The following CHD7 variants were observed in gnomAD, a reference collection of about 807,000 sequenced individuals.
CHD7 encodes the protein chromodomain helicase DNA binding protein 7.
In CHD7, 24 loss-of-function variants were observed where a neutral mutation model predicts 307.3. The ratio of observed to expected loss-of-function variants is 0.08; its 90% CI spans 0.06 to 0.11. The LOEUF is 0.11. Among genes scored for constraint, CHD7 ranks in the 10% least tolerant of loss-of-function variants. CHD7 has a pLI of 1.00. For synonymous variants in CHD7, 1,363 were observed against 1,349.9 expected (o/e 1.01, Z -0.21); for missense variants, 3,106 against 3,727.1 (o/e 0.83, Z 4.34).
chr8:60,776,762 A>T (rs1474312101), intron 2 of CHD7, among the ~76,000 whole-genome samples: 1 of 152,204 alleles, frequency 6.6e-6, no homozygotes, highest in African/African-American at 2.4e-5. Flanking sequence ...GAATCATTGC[A>T]CACTCTTCTG....
At position 60,792,524 on chromosome 8, in the gene CHD7, T is replaced by C. The variant is rs189352619; in HGVS notation, c.2097-2462T>C. 5.7e-3 allele frequency among the ~76,000 whole-genome samples: 867 copies of C among 152,316 alleles called. 11 individuals are homozygous for C. Among genetic ancestry groups the C allele is most frequent in the Admixed American group, 0.012 (179 of 15,294 alleles). The stretch of plus-strand genomic sequence containing the variant: ...TTAGAAATCTTTCCATACTCAGATC[T>C]GGGATAAGTGCTTCCCTTATCTACA... On this transcript the variant is annotated intron_variant, in intron 3 of 37. Transcript: ENST00000423902.
Position 60,867,925 on chromosome 8 carries a change from TAGG to T in CHD7, c.*1993_*1995del, listed in dbSNP as rs1806288122. 6.6e-6 allele frequency: 1 copy of T among 152,202 alleles called. No individual in the cohort carries two copies. The highest frequency in any genetic ancestry group is 2.4e-5 in the African/African-American group (1 of 41,450). The allele number at this position is 152,202 out of a possible 1,614,324, so 9.4% of individuals were successfully genotyped here. ...TTATTTGAACACGGGAAAGTGAAAC[TAGG>T]TCTGCATGAAGTATAGGAAATTTAA... is the stretch of plus-strand genomic sequence containing the variant. On this transcript the variant is annotated 3_prime_UTR_variant, in exon 38 of 38. Coordinates refer to ENST00000423902, the MANE Select transcript of CHD7 (RefSeq NM_017780.4).
intron 3 of CHD7, among the ~76,000 whole-genome samples, chr8:60,789,184 C>G (rs1262505513): frequency 6.6e-6 from 1 of 152,166 alleles, no homozygotes; most frequent in East Asian, 1.9e-4. Flanking sequence ...TGTGGCAGCT[C>G]AGATCATTTT....
At chr8:60,730,596 C>T (rs1173700784) in intron 1 of CHD7, among the ~76,000 whole-genome samples, 2 of 152,208 alleles carry the variant, frequency 1.3e-5, no homozygotes, top group Admixed American at 1.3e-4. Flanking sequence ...CGTGGTGGCT[C>T]ACGCCTGTAA....
chr8:60,781,150 A>G lies in CHD7; in HGVS notation c.1816A>G (p.Ile606Val). 2 of 1,609,078 alleles carry G rather than the reference A, an allele frequency of 1.2e-6. No individual in the cohort carries two copies. The highest frequency in any genetic ancestry group is 1.7e-6 in the Non-Finnish European group (2 of 1,177,626). The part of the protein sequence containing the change: ...QKKKKKKNNH[I>V]VAEDPSKGFG... Reference sequence around the variant, plus strand: ...GAAGAAGAAAAAGAAAAACAACCACATTGTAGCAGAGGATCCCAGTAAAGG... The same window carrying G: ...GAAGAAGAAAAAGAAAAACAACCACGTTGTAGCAGAGGATCCCAGTAAAGG... Residue 606 changes from isoleucine (I) to valine (V), a missense_variant, in exon 3 of 38, where the codon ATT becomes GTT. Ile to Val is a conservative substitution (Grantham distance 29). Around this residue, in one of 10 missense-constraint regions of CHD7, gnomAD observed 998 missense variants for 1,004.5 expected, o/e 0.99. Transcript: ENST00000423902.
chr8:60,754,879 T>C (rs141816367), intron 2 of CHD7, among the ~76,000 whole-genome samples: 4 of 152,328 alleles, frequency 2.6e-5, no homozygotes, highest in African/African-American at 7.2e-5. Flanking sequence ...TAGTTCTACA[T>C]AGAGAAAGTT....
chr8:60,822,379 C>A, intron 11 of CHD7, 124 bp from the exon 12 acceptor site: 3 of 947,728 alleles, frequency 3.2e-6, no homozygotes, highest in Non-Finnish European at 4.5e-6. Context: ...TTTGTTGAAT[C>A]TAAGAGAACA....
chr8:60,859,626 A>G (rs114797818), intron 34 of CHD7, among the ~76,000 whole-genome samples: 1,556 of 152,310 alleles, frequency 0.01, 29 homozygotes, highest in African/African-American at 0.036. Flanking sequence ...GGATGGCTGT[A>G]CTTCAATTAA....
chr8:60,819,314 ATTACT>A (rs899428871), intron 8 of CHD7, among the ~76,000 whole-genome samples: 1 of 152,152 alleles, frequency 6.6e-6, no homozygotes, highest in Non-Finnish European at 1.5e-5. Flanking sequence ...AGGCAGCAGT[ATTACT>A]TTACTTTTGT....
chr8:60,849,075 A>G lies in CHD7; in HGVS notation c.5325A>G (p.Glu1775=), dbSNP rs1463212168. The G allele has an allele frequency of 1.2e-6, 2 of 1,613,394 alleles. No homozygotes were observed. Among genetic ancestry groups the G allele is most frequent in the Non-Finnish European group, 8.5e-7 (1 of 1,179,572 alleles). The part of the protein sequence containing the change: ...DSSEADVWIP[E]PFHAEVPADW... ...GTGAAGCCGATGTGTGGATCCCTGAACCTTTCCATGCTGAAGTTCCTGCAG... is the reference window on the plus strand; with the variant it reads ...GTGAAGCCGATGTGTGGATCCCTGAGCCTTTCCATGCTGAAGTTCCTGCAG... The change falls in exon 25 of 38, where the codon GAA becomes GAG. Residue 1775 remains glutamate (E), a synonymous_variant. Transcript: ENST00000423902.
At position 60,841,670 on chromosome 8, in the gene CHD7, G is replaced by T. The variant is rs1435091278; in HGVS notation, c.4560G>T (p.Arg1520Ser). Residue 1520 changes from arginine (R) to serine (S), a missense_variant, in exon 20 of 38, where the codon AGG becomes AGT. Around this residue, in one of 10 missense-constraint regions of CHD7, gnomAD observed 93 missense variants for 176.4 expected, o/e 0.53. Coordinates refer to ENST00000423902, the MANE Select transcript of CHD7 (RefSeq NM_017780.4). ...CCAGTTTTGTTGCATCTGGAAATAGGACAGATATTTCCTTGGATGATCCAA... is the reference window on the plus strand; with the variant it reads ...CCAGTTTTGTTGCATCTGGAAATAGTACAGATATTTCCTTGGATGATCCAA... ...AKASFVASGNRTDISLDDPNF... is the reference protein window; with the variant it reads ...AKASFVASGNSTDISLDDPNF... The T allele has an allele frequency of 6.2e-7, 1 of 1,609,268 alleles. No homozygotes were observed. The highest frequency in any genetic ancestry group is 2.2e-5 in the East Asian group (1 of 44,742).
chr8:60,751,353 T>C (rs930131339), intron 2 of CHD7, among the ~76,000 whole-genome samples: 4 of 152,210 alleles, frequency 2.6e-5, no homozygotes, highest in Non-Finnish European at 4.4e-5. Context: ...TTCCCTGTTA[T>C]AATAATCTTT....
chr8:60,852,313 C>T (rs1805491164), intron 29 of CHD7, 66 bp downstream of exon 29: 2 of 1,433,368 alleles, frequency 1.4e-6, no homozygotes, highest in African/African-American at 1.4e-5. Flanking sequence ...CCTGTAGACC[C>T]ACAAGAGACA....
At chr8:60,828,482 A>T (rs1490280496) in intron 13 of CHD7, among the ~76,000 whole-genome samples, 181 bp from the exon 14 acceptor site, 1 of 152,234 alleles carries the variant, frequency 6.6e-6, no homozygotes, top group Admixed American at 6.5e-5. Flanking sequence ...AGGACTGTCC[A>T]TGGATCTGTC....
At chr8:60,807,242 G>A (rs1374422649) in intron 6 of CHD7, among the ~76,000 whole-genome samples, 6 of 152,126 alleles carry the variant, frequency 3.9e-5, no homozygotes, top group African/African-American at 7.2e-5. Flanking sequence ...GAAGCATTTC[G>A]GAGGTGGCTG....
At chr8:60,834,132 A>C (rs866192864) in intron 15 of CHD7, among the ~76,000 whole-genome samples, 64 of 152,312 alleles carry the variant, frequency 4.2e-4, no homozygotes, top group African/African-American at 1.5e-3. Context: ...TCTCTGAATA[A>C]ATTTAAAATT....
At chr8:60,754,739 A>G (rs1809802517) in intron 2 of CHD7, among the ~76,000 whole-genome samples, 1 of 152,236 alleles carries the variant, frequency 6.6e-6, no homozygotes, top group African/African-American at 2.4e-5. Context: ...AACCAAGGTG[A>G]AAACCATCAC....
At chr8:60,741,115 A>G (rs1449221160) in intron 1 of CHD7, 144 bp from the exon 2 acceptor site, 1 of 322,576 alleles carries the variant, frequency 3.1e-6, no homozygotes, top group Non-Finnish European at 5.7e-6. Context: ...AACTAAATTT[A>G]TAAAATACAG....
At chr8:60,821,731 T>A (rs1804050745) in intron 9 of CHD7, 59 bp from the exon 10 acceptor site, 13 of 1,420,878 alleles carry the variant, frequency 9.1e-6, no homozygotes, top group Non-Finnish European at 1.2e-5. Flanking sequence ...CACATATATA[T>A]GTATATGTAT....
Sources: allele counts gnomAD v4.1 joint callset (sites outside exome capture counted in the v4.1 genomes callset), GRCh38; gene constraint gnomAD v4.1.1; regional missense constraint gnomAD v4.1.1; transcripts MANE v1.5; gene names NCBI Gene and HGNC (gene_info 2026-07-23, HGNC 2026-07-21).